ASTN2: variants seen among roughly 807,000 people sequenced by gnomAD.
ASTN2 encodes the protein astrotactin 2.
ASTN2 carries 54 observed loss-of-function variants against 139.8 expected under a neutral mutation model. The observed-to-expected ratio is 0.39, with a 90% CI of 0.31 to 0.48. The LOEUF is 0.48. Among genes scored for constraint, ASTN2 ranks in the 20% least tolerant of loss-of-function variants. ASTN2 has a pLI of 0.95. For synonymous variants in ASTN2, 756 were observed against 719.5 expected, an observed-to-expected ratio of 1.05 and a Z score of -0.81; for missense variants, 1,565 against 1,725.1, an observed-to-expected ratio of 0.91 and a Z score of 1.64.
At chr9:116,601,986 AC>A (rs1480987032) in intron 19 of ASTN2, among the ~76,000 whole-genome samples, 1 of 152,162 alleles carries the variant, frequency 6.6e-6, no homozygotes, top group East Asian at 1.9e-4. Context: ...AGATAAAGGG[AC>A]CCTGCAAGAG....
intron 10 of ASTN2, among the ~76,000 whole-genome samples, chr9:116,903,907 C>T (rs1834088062): frequency 6.6e-6 from 1 of 152,210 alleles, no homozygotes; most frequent in African/African-American, 2.4e-5. Context: ...CCAGCTCTCA[C>T]TTGCCTTCTA....
intron 1 of ASTN2, among the ~76,000 whole-genome samples, chr9:117,321,689 C>T (rs970953549): frequency 6.6e-6 from 1 of 152,156 alleles, no homozygotes; most frequent in Non-Finnish European, 1.5e-5. Flanking sequence ...TAGGTAACCA[C>T]CTTCTCTGCC....
chr9:116,977,194 C>T (rs10983438), intron 7 of ASTN2, among the ~76,000 whole-genome samples: 9,086 of 152,226 alleles, frequency 0.06, 801 homozygotes, highest in African/African-American at 0.2. Flanking sequence ...TGAATTATCT[C>T]CATCTGAATG....
intron 1 of ASTN2, among the ~76,000 whole-genome samples, chr9:117,334,792 G>A (rs1356931966): frequency 3.3e-5 from 5 of 152,134 alleles, no homozygotes; most frequent in Non-Finnish European, 7.4e-5. Context: ...GGAGGCTCAC[G>A]CCTGTAATCC....
At chr9:116,525,727 C>T (rs760628636) in intron 19 of ASTN2, among the ~76,000 whole-genome samples, 28 of 152,268 alleles carry the variant, frequency 1.8e-4, no homozygotes, top group Non-Finnish European at 3.7e-4. Context: ...ACTCCTTTAT[C>T]CTGCAGGTGC....
chr9:117,275,690 C>T (rs2133132813), intron 2 of ASTN2, among the ~76,000 whole-genome samples: 1 of 152,082 alleles, frequency 6.6e-6, no homozygotes, highest in Admixed American at 6.6e-5. Context: ...CTCAGCCTCC[C>T]AAGTAGCTGT....
At chr9:117,280,271 G>A (rs2133142261) in intron 2 of ASTN2, among the ~76,000 whole-genome samples, 1 of 152,296 alleles carries the variant, frequency 6.6e-6, no homozygotes, top group South Asian at 2.1e-4. Flanking sequence ...TGTCTGATGA[G>A]TGAGGATGTT....
At chr9:117,218,342 G>A (rs1832401174) in intron 2 of ASTN2, among the ~76,000 whole-genome samples, 1 of 152,180 alleles carries the variant, frequency 6.6e-6, no homozygotes, top group Non-Finnish European at 1.5e-5. Context: ...TCCCCAGCCT[G>A]CCCTGAACTC....
At chr9:116,638,754 C>T (rs563832405) in intron 17 of ASTN2, among the ~76,000 whole-genome samples, 1 of 151,758 alleles carries the variant, frequency 6.6e-6, no homozygotes, top group Non-Finnish European at 1.5e-5. Flanking sequence ...CACTTATCAG[C>T]CAACTACAAC....
At chr9:116,539,472 A>G (rs1187655668) in intron 19 of ASTN2, among the ~76,000 whole-genome samples, 1 of 152,236 alleles carries the variant, frequency 6.6e-6, no homozygotes, top group Non-Finnish European at 1.5e-5. Flanking sequence ...GACTGAGTCA[A>G]AAAGTGGTTT....
intron 4 of ASTN2, among the ~76,000 whole-genome samples, chr9:117,140,773 T>A (rs370354317): frequency 3.8e-4 from 58 of 152,262 alleles, no homozygotes; most frequent in African/African-American, 1.3e-3. Flanking sequence ...CTGTGCTGAG[T>A]TATTCTTACA....
At chr9:117,149,032 T>A (rs1204620224) in intron 3 of ASTN2, among the ~76,000 whole-genome samples, 2 of 152,042 alleles carry the variant, frequency 1.3e-5, no homozygotes, top group Non-Finnish European at 1.5e-5. Flanking sequence ...TATTTTTATT[T>A]TTTTTGAGAC....
At chr9:116,499,588 AG>A (rs1322753570) in intron 19 of ASTN2, among the ~76,000 whole-genome samples, 6 of 152,078 alleles carry the variant, frequency 3.9e-5, no homozygotes, top group African/African-American at 1.4e-4. Context: ...ATGCACTGGG[AG>A]GATTATGGTA....
intron 11 of ASTN2, among the ~76,000 whole-genome samples, chr9:116,831,362 A>T (rs1369259405): frequency 1.3e-5 from 2 of 152,096 alleles, no homozygotes; most frequent in East Asian, 3.8e-4. Flanking sequence ...TAAAAATAAA[A>T]ATATAAATAA....
At chr9:117,049,069 G>A (rs1210683101) in intron 5 of ASTN2, among the ~76,000 whole-genome samples, 1 of 146,082 alleles carries the variant, frequency 6.8e-6, no homozygotes, top group Admixed American at 7.1e-5. Flanking sequence ...CCAGGCTCAA[G>A]TGATTCTCCT....
chr9:116,462,834 G>A (rs1236301626), intron 20 of ASTN2, among the ~76,000 whole-genome samples: 2 of 145,472 alleles, frequency 1.4e-5, no homozygotes, highest in East Asian at 2.0e-4. Flanking sequence ...GTGTGTGTCT[G>A]CCCATATATA....
intron 3 of ASTN2, among the ~76,000 whole-genome samples, chr9:117,176,169 A>G (rs1588043331): frequency 6.6e-6 from 1 of 152,206 alleles, no homozygotes; most frequent in African/African-American, 2.4e-5. Context: ...TTATAATTTC[A>G]TATCTTACAG....
intron 13 of ASTN2, among the ~76,000 whole-genome samples, chr9:116,781,441 C>A (rs146916778): frequency 7.2e-5 from 11 of 152,166 alleles, no homozygotes; most frequent in Non-Finnish European, 1.2e-4. Context: ...AGGAAATTGG[C>A]CCTAGAAAAC....
At chr9:116,537,378 G>T (rs1225770925) in intron 19 of ASTN2, among the ~76,000 whole-genome samples, 1 of 152,076 alleles carries the variant, frequency 6.6e-6, no homozygotes, top group Non-Finnish European at 1.5e-5. Flanking sequence ...TGCAACTTTG[G>T]TTTCACAATT....
Sources: allele counts gnomAD v4.1 joint callset (sites outside exome capture counted in the v4.1 genomes callset), GRCh38; gene constraint gnomAD v4.1.1; transcripts MANE v1.5; gene names NCBI Gene and HGNC (gene_info 2026-07-23, HGNC 2026-07-21).